The following LRP1B variants were observed in gnomAD, a reference collection of about 807,000 sequenced individuals.
The protein encoded by LRP1B is LDL receptor related protein 1B, also known as low-density lipoprotein receptor-related protein 1B.
LRP1B carries 217 observed loss-of-function variants against 556.6 expected under a neutral mutation model. The ratio of observed to expected loss-of-function variants is 0.39; its 90% CI spans 0.35 to 0.44. The LOEUF is 0.44. Among genes scored for constraint, LRP1B ranks in the 20% least tolerant of loss-of-function variants. The probability of loss-of-function intolerance (pLI) is 1.00; values close to 1 mark genes in which losing one functional copy is unlikely to be tolerated. For synonymous variants in LRP1B, 2,047 were observed against 1,865.8 expected (o/e 1.10, Z -2.50); for missense variants, 5,053 against 5,620.8 (o/e 0.90, Z 3.23).
At chr2:140,929,790 A>ACACACC (rs1315519709) in intron 20 of LRP1B, among the ~76,000 whole-genome samples, 8 of 151,474 alleles carry the variant, frequency 5.3e-5, no homozygotes, top group Admixed American at 4.6e-4. Context: ...ACACACACAC[A>ACACACC]CACACAGTTT....
chr2:142,037,938 G>C (rs557097341), intron 1 of LRP1B, among the ~76,000 whole-genome samples: 1 of 151,568 alleles, frequency 6.6e-6, no homozygotes, highest in South Asian at 2.1e-4. Flanking sequence ...CTCCTGGATT[G>C]TTCCAAATCA....
At chr2:141,025,457 G>C (rs1420444820) in intron 11 of LRP1B, among the ~76,000 whole-genome samples, 1 of 152,084 alleles carries the variant, frequency 6.6e-6, no homozygotes, top group Non-Finnish European at 1.5e-5. Context: ...GGATGTTGCT[G>C]TAAAGGTATG....
At chr2:141,687,703 T>G (rs988558859) in intron 2 of LRP1B, among the ~76,000 whole-genome samples, 2 of 151,952 alleles carry the variant, frequency 1.3e-5, no homozygotes, top group Admixed American at 1.3e-4. Flanking sequence ...GATTATGATA[T>G]AGATCAAGAA....
intron 83 of LRP1B, among the ~76,000 whole-genome samples, chr2:140,309,957 A>G (rs1684228071): frequency 6.6e-6 from 1 of 151,756 alleles, no homozygotes; most frequent in Non-Finnish European, 1.5e-5. Flanking sequence ...TCCTTGGGAC[A>G]TATTTCAAAA....
intron 1 of LRP1B, among the ~76,000 whole-genome samples, chr2:142,031,330 A>ATTTTTTTTTTTTTTTTTTTTTTTTT (rs560363480): frequency 3.4e-5 from 4 of 117,034 alleles, no homozygotes; most frequent in African/African-American, 8.8e-5. Context: ...GATTATACTT[A>ATTTTTTTTTTTTTTTTTTTTTTTTT]TTTTTTTTTT....
At chr2:141,827,781 C>T (rs946372074) in intron 1 of LRP1B, among the ~76,000 whole-genome samples, 1 of 152,016 alleles carries the variant, frequency 6.6e-6, no homozygotes, top group Non-Finnish European at 1.5e-5. Flanking sequence ...ATTCATCATA[C>T]TTTCTTTAAA....
chr2:140,264,322 G>A (rs773602418), intron 86 of LRP1B, among the ~76,000 whole-genome samples: 28 of 151,966 alleles, frequency 1.8e-4, no homozygotes, highest in Non-Finnish European at 3.2e-4. Context: ...TCTGCCTCCC[G>A]GGTTCAAGTC....
chr2:142,005,798 A>G (rs1702782580), intron 1 of LRP1B, among the ~76,000 whole-genome samples: 1 of 151,848 alleles, frequency 6.6e-6, no homozygotes, highest in African/African-American at 2.4e-5. Flanking sequence ...TTGGCAAGGT[A>G]TATCCCAAAT....
chr2:141,764,256 C>CT (rs1189925275), intron 2 of LRP1B, among the ~76,000 whole-genome samples: 1 of 152,096 alleles, frequency 6.6e-6, no homozygotes, highest in Non-Finnish European at 1.5e-5. Flanking sequence ...TCTCGGCTCA[C>CT]TGCAAGCTCC....
intron 43 of LRP1B, among the ~76,000 whole-genome samples, chr2:140,586,152 T>C (rs986743911): frequency 6.6e-6 from 1 of 152,104 alleles, no homozygotes; most frequent in African/African-American, 2.4e-5. Context: ...CTTAAAACTC[T>C]AGAAATTATA....
At chr2:140,955,509 A>G (rs1478729553) in intron 18 of LRP1B, among the ~76,000 whole-genome samples, 8 of 151,856 alleles carry the variant, frequency 5.3e-5, no homozygotes, top group African/African-American at 1.9e-4. Flanking sequence ...ATGAACAAAA[A>G]TGGCTTACAT....
At chr2:141,950,515 A>T (rs1701077497) in intron 1 of LRP1B, among the ~76,000 whole-genome samples, 1 of 152,146 alleles carries the variant, frequency 6.6e-6, no homozygotes, top group Non-Finnish European at 1.5e-5. Context: ...CAATTGTTTG[A>T]ATTATATAGT....
At chr2:140,692,173 T>G (rs935679064) in intron 41 of LRP1B, among the ~76,000 whole-genome samples, 1 of 152,162 alleles carries the variant, frequency 6.6e-6, no homozygotes, top group African/African-American at 2.4e-5. Flanking sequence ...TGCTAAAATT[T>G]GAAAATATTA....
At chr2:140,562,777 C>T (rs1264630469) in intron 43 of LRP1B, among the ~76,000 whole-genome samples, 1 of 151,866 alleles carries the variant, frequency 6.6e-6, no homozygotes, top group African/African-American at 2.4e-5. Flanking sequence ...TGCACCACCA[C>T]ACCTATTTTT....
chr2:141,436,663 C>T (rs1412345615), intron 3 of LRP1B, among the ~76,000 whole-genome samples: 2 of 151,878 alleles, frequency 1.3e-5, no homozygotes, highest in Admixed American at 1.3e-4. Flanking sequence ...GTATTATTTT[C>T]CTTGGATTCT....
chr2:140,707,168 C>A, intron 37 of LRP1B, among the ~76,000 whole-genome samples: 1 of 152,022 alleles, frequency 6.6e-6, no homozygotes. Flanking sequence ...AATAAATGTG[C>A]CATTTCTTCC....
At chr2:140,603,187 A>G (rs1682740072) in intron 41 of LRP1B, among the ~76,000 whole-genome samples, 1 of 152,084 alleles carries the variant, frequency 6.6e-6, no homozygotes, top group Admixed American at 6.6e-5. Flanking sequence ...AAAGCAGTCT[A>G]CAAGGTATTA....
intron 86 of LRP1B, among the ~76,000 whole-genome samples, chr2:140,266,870 GC>G (rs1030161795): frequency 6.6e-6 from 1 of 151,908 alleles, no homozygotes; most frequent in African/African-American, 2.4e-5. Flanking sequence ...TTTTCTAAAA[GC>G]CATTCATCTT....
intron 2 of LRP1B, among the ~76,000 whole-genome samples, chr2:141,598,749 T>C (rs1010657481): frequency 1.3e-5 from 2 of 152,128 alleles, no homozygotes; most frequent in African/African-American, 4.8e-5. Context: ...AATATAAATA[T>C]GGTTGATTGA....
Sources: allele counts gnomAD v4.1 joint callset (sites outside exome capture counted in the v4.1 genomes callset), GRCh38; gene constraint gnomAD v4.1.1; transcripts MANE v1.5; gene names NCBI Gene and HGNC (gene_info 2026-07-23, HGNC 2026-07-21).